Variants in GABRG3 observed in about 807,000 individuals in gnomAD.
GABRG3 encodes gamma-aminobutyric acid receptor subunit gamma-3.
GABRG3 carries 25 observed loss-of-function variants against 48.8 expected under a neutral mutation model. The ratio of observed to expected loss-of-function variants is 0.51; its 90% CI spans 0.37 to 0.72. The LOEUF (loss-of-function observed/expected upper bound fraction) is 0.72. Ranked by LOEUF, GABRG3 falls within the 30% of genes least tolerant of loss-of-function variation. The pLI is 0.00. For synonymous variants in GABRG3, 227 were observed against 217.6 expected, an observed-to-expected ratio of 1.04 and a Z score of -0.38; for missense variants, 394 against 577.9, an observed-to-expected ratio of 0.68 and a Z score of 3.26.
At chr15:27,268,430 A>C (rs1251333385) in intron 3 of GABRG3, among the ~76,000 whole-genome samples, 1 of 152,144 alleles carries the variant, frequency 6.6e-6, no homozygotes, top group Admixed American at 6.5e-5. Flanking sequence ...TTTCCTGCTC[A>C]GTCTGGATAT....
intron 3 of GABRG3, among the ~76,000 whole-genome samples, chr15:27,181,422 C>T (rs1325801182): frequency 6.6e-6 from 1 of 152,156 alleles, no homozygotes; most frequent in Non-Finnish European, 1.5e-5. Flanking sequence ...ATACAAATGG[C>T]TGCGGATGCT....
chr15:27,249,564 T>A (rs1015454367), intron 3 of GABRG3, among the ~76,000 whole-genome samples: 1 of 152,224 alleles, frequency 6.6e-6, no homozygotes, highest in Non-Finnish European at 1.5e-5. Context: ...CACCACTGGA[T>A]GCACTGTAGC....
chr15:27,431,609 G>C (rs1004100423), intron 5 of GABRG3, among the ~76,000 whole-genome samples: 2 of 152,156 alleles, frequency 1.3e-5, no homozygotes, highest in South Asian at 2.1e-4. Flanking sequence ...GAAGGGGGAA[G>C]GATTCCGTTT....
chr15:27,301,210 T>G (rs1217717725), intron 3 of GABRG3, among the ~76,000 whole-genome samples: 1 of 152,086 alleles, frequency 6.6e-6, no homozygotes, highest in Non-Finnish European at 1.5e-5. Flanking sequence ...TAAAGAAAAT[T>G]GAGGTAATTA....
Position 27,297,339 on chromosome 15 carries a change from C to CT in GABRG3, c.271-29469dup, listed in dbSNP as rs142914222. ...TGTTTCTAAAGTCTACAGTAGCGTA[C>CT]TGGGATGTCTTGGCCTTCACATTCA... On this transcript the variant is annotated intron_variant, in intron 3 of 9. Coordinates refer to ENST00000615808, the MANE Select transcript of GABRG3 (RefSeq NM_033223.5). Among the ~76,000 whole-genome samples, 1,246 of 152,246 alleles carry CT rather than the reference C, an allele frequency of 8.2e-3. 17 individuals carry two copies. The highest frequency in any genetic ancestry group is 0.029 in the African/African-American group (1,204 of 41,558).
intron 3 of GABRG3, among the ~76,000 whole-genome samples, chr15:27,075,871 A>G (rs1209155403): frequency 1.3e-5 from 2 of 152,150 alleles, no homozygotes; most frequent in Non-Finnish European, 2.9e-5. Context: ...CCCAGTGTAA[A>G]GGTCCTGATT....
At chr15:27,295,984 C>G (rs1891970468) in intron 3 of GABRG3, among the ~76,000 whole-genome samples, 1 of 152,094 alleles carries the variant, frequency 6.6e-6, no homozygotes, top group Non-Finnish European at 1.5e-5. Context: ...GGTGTGGAAC[C>G]TTCGTCCTAC....
At chr15:27,007,623 A>G (rs1459795683) in intron 2 of GABRG3, among the ~76,000 whole-genome samples, 1 of 152,116 alleles carries the variant, frequency 6.6e-6, no homozygotes, top group African/African-American at 2.4e-5. Context: ...CTGGTGTGAG[A>G]TGGTATCTCA....
chr15:27,393,966 G>A (rs1367833894), intron 5 of GABRG3, among the ~76,000 whole-genome samples: 2 of 152,150 alleles, frequency 1.3e-5, no homozygotes, highest in South Asian at 2.1e-4. Context: ...TTGAACCTAT[G>A]TGTATCTTTC....
chr15:27,167,596 C>A (rs1887421888), intron 3 of GABRG3, among the ~76,000 whole-genome samples: 2 of 152,118 alleles, frequency 1.3e-5, no homozygotes, highest in Admixed American at 6.5e-5. Context: ...AGTTGGAGCT[C>A]AAAAATGAGA....
At chr15:27,066,584 C>G (rs1046438588) in intron 3 of GABRG3, among the ~76,000 whole-genome samples, 15 of 152,264 alleles carry the variant, frequency 9.9e-5, no homozygotes, top group African/African-American at 3.6e-4. Flanking sequence ...GAAGGACTTT[C>G]AGAAAAACAA....
rs184787512 is a variant in GABRG3, at chr15:27,023,695, T to A, written c.203-3059T>A. Among the ~76,000 whole-genome samples, 474 of 152,388 alleles carry A rather than the reference T, an allele frequency of 3.1e-3. 3 individuals are homozygous for A. The highest frequency in any genetic ancestry group is 0.01 in the African/African-American group (432 of 41,598). On this transcript the variant is annotated intron_variant, in intron 2 of 9. Transcript: ENST00000615808. ...CATTGTCTATGTATACTACATTTTT[T>A]AAATCCATTCATTTGTCGATGAGCA...
chr15:27,334,344 C>T (rs1017356793), intron 5 of GABRG3, among the ~76,000 whole-genome samples: 6 of 151,974 alleles, frequency 3.9e-5, no homozygotes, highest in African/African-American at 1.5e-4. Context: ...AGGGGTTCAC[C>T]GGACCTCGAC....
intron 3 of GABRG3, among the ~76,000 whole-genome samples, chr15:27,162,004 T>C (rs561189352): frequency 1.1e-4 from 16 of 152,248 alleles, no homozygotes; most frequent in Middle Eastern, 3.4e-3. Flanking sequence ...AGAAATAAAC[T>C]TACACATACA....
At chr15:27,348,485 CT>C (rs1306009912) in intron 5 of GABRG3, among the ~76,000 whole-genome samples, 1 of 152,096 alleles carries the variant, frequency 6.6e-6, no homozygotes, top group Non-Finnish European at 1.5e-5. Context: ...TTATGATTCT[CT>C]TCATTTTTTC....
chr15:27,249,697 G>A lies in GABRG3; in HGVS notation c.271-77112G>A, dbSNP rs76227903. ...GGGATGAGTGAGTAAATGTATTAAA[G>A]AGAGAATGTGATTTAAAAAGATATC... is the stretch of plus-strand genomic sequence containing the variant. On this transcript the variant is annotated intron_variant, in intron 3 of 9. Transcript: ENST00000615808. 9.9e-3 allele frequency among the ~76,000 whole-genome samples: 1,503 copies of A among 152,246 alleles called. 27 individuals are homozygous for A. The highest frequency in any genetic ancestry group is 0.035 in the African/African-American group (1,441 of 41,548).
In GABRG3 at chr15:27,046,026, C is replaced by T. The variant is rs534352737; in HGVS notation, c.270+19205C>T. ...AGAGAGCTCCGAGTTCCGAGGGAAG[C>T]GTCACGGAAGTGTGAAGGGCGAGGG... On this transcript the variant is annotated intron_variant, in intron 3 of 9. Transcript: ENST00000615808. 1.8e-4 allele frequency among the ~76,000 whole-genome samples: 27 copies of T among 152,312 alleles called. 1 individual carries two copies. In the South Asian group the frequency reaches 4.6e-3, roughly 26 times the overall value.
Position 26,971,568 on chromosome 15 carries a change from G to C in GABRG3, c.33G>C (p.Leu11=). The part of the protein sequence containing the change: MAPKLLLLLC[L]FSGLHARSRK... ...CGAAGCTGCTGCTCCTCCTCTGCCT[G>C]TTCTCGGGCTTGCACGCGCGGTAAG... is the stretch of plus-strand genomic sequence containing the variant. Residue 11 remains leucine, a synonymous_variant, in exon 1 of 10, where the codon CTG becomes CTC. Transcript: ENST00000615808. The C allele has an allele frequency of 2.6e-6, 4 of 1,530,922 alleles. No homozygotes were observed. The highest frequency in any genetic ancestry group is 2.6e-6 in the Non-Finnish European group (3 of 1,139,462). The allele number at this position is 1,530,922 out of a possible 1,614,324, so 94.8% of individuals were successfully genotyped here. A position where few individuals can be genotyped will look rare whatever the true frequency, so the allele number is the denominator to read the frequency against.
At chr15:27,076,318 C>CT (rs1230817571) in intron 3 of GABRG3, among the ~76,000 whole-genome samples, 3,398 of 106,410 alleles carry the variant, frequency 0.032, 138 homozygotes, top group African/African-American at 0.053. Flanking sequence ...AGCCAACTGT[C>CT]TTTTTTTTTT....
Sources: gnomAD v4.1 joint callset for allele counts (sites outside exome capture counted in the v4.1 genomes callset) on GRCh38, gnomAD v4.1.1 for gene constraint, MANE v1.5 for transcripts, NCBI Gene and HGNC (gene_info 2026-07-23, HGNC 2026-07-21) for gene names.